The following MATR3 variants were observed in gnomAD, a reference collection of about 807,000 sequenced individuals.
MATR3 encodes the protein matrin 3.
Under a neutral mutation model 85.5 loss-of-function variants are expected in MATR3, and 4 were observed. That is an observed-to-expected ratio of 0.05 (90% CI 0.02 to 0.11). The LOEUF is 0.11. Ranked by LOEUF, MATR3 falls within the 10% of genes least tolerant of loss-of-function variation. The pLI, the probability that MATR3 is intolerant of heterozygous loss-of-function variation, is 1.00. For synonymous variants in MATR3, 336 were observed against 343.1 expected, an observed-to-expected ratio of 0.98 and a Z score of 0.23; for missense variants, 685 against 1,016.1, an observed-to-expected ratio of 0.67 and a Z score of 4.43.
At chr5:139,286,507 C>T (rs1243043539) in intron 3 of MATR3, among the ~76,000 whole-genome samples, 1 of 150,660 alleles carries the variant, frequency 6.6e-6, no homozygotes, top group Admixed American at 6.6e-5. Context: ...TTCTGTAGAC[C>T]TCCTCTGTGG....
rs772678059 is a variant in MATR3 at position 139,330,506 on chromosome 5, T to C, written c.*1111T>C. ...TGTGCATGCTTTAACAATTTATTAC[T>C]TTTAAATCTAGAGTGAATTCTAAAG... On this transcript the variant is annotated 3_prime_UTR_variant, in exon 15 of 15. Transcript: ENST00000394805. 3 of 454,212 alleles carry C rather than the reference T, an allele frequency of 6.6e-6. No individual in the cohort carries two copies. The highest frequency in any genetic ancestry group is 4.7e-5 in the South Asian group (3 of 64,478). 28.1% of individuals were successfully genotyped at this position (454,212 alleles called of 1,614,324 possible).
intron 8 of MATR3, 144 bp from the exon 9 acceptor site, chr5:139,319,190 G>A (rs1755412305): frequency 8.1e-7 from 1 of 1,240,934 alleles, no homozygotes. Flanking sequence ...ATTATGTGAG[G>A]CCCAGGAGTT....
At chr5:139,322,075 T>A in intron 10 of MATR3, 46 bp downstream of exon 10, 2 of 1,590,652 alleles carry the variant, frequency 1.3e-6, no homozygotes, top group Non-Finnish European at 1.7e-6. Flanking sequence ...TGTTTTTACA[T>A]ATTTAAAGCC....
At chr5:139,294,086 AT>A (rs1484589704) in intron 1 of MATR3, 5 of 1,255,278 alleles carry the variant, frequency 4.0e-6, no homozygotes, top group African/African-American at 1.6e-5. Context: ...GCGGCGGGAG[AT>A]TTTGGGTGAA....
intron 3 of MATR3, among the ~76,000 whole-genome samples, chr5:139,286,953 A>T (rs1216441978): frequency 6.6e-6 from 1 of 152,148 alleles, no homozygotes; most frequent in African/African-American, 2.4e-5. Flanking sequence ...GAGAGCAGAG[A>T]CCTTTTATTT....
chr5:139,278,720 T>G (rs1753395058), intron 2 of MATR3: 1 of 479,024 alleles, frequency 2.1e-6, no homozygotes, highest in Non-Finnish European at 4.3e-6. Flanking sequence ...AACTGATACG[T>G]CTTCTACCTG....
chr5:139,318,254 C>T (rs1409006991), intron 7 of MATR3, among the ~76,000 whole-genome samples: 2 of 152,076 alleles, frequency 1.3e-5, no homozygotes, highest in African/African-American at 4.8e-5. Flanking sequence ...CTACCTCAGC[C>T]TCCCAAGTAG....
chr5:139,303,354 C>T (rs942601470), intron 1 of MATR3, among the ~76,000 whole-genome samples: 1 of 150,336 alleles, frequency 6.7e-6, no homozygotes, highest in Non-Finnish European at 1.5e-5. Flanking sequence ...CCCACCTCGG[C>T]TTCCCAAAGT....
rs1009030997 is a variant in MATR3 at position 139,275,265 on chromosome 5, G to A, written c.-286-856G>A. Among the ~76,000 whole-genome samples the A allele has an allele frequency of 1.5e-3, 227 of 149,146 alleles. 6 individuals are homozygous for A. Among genetic ancestry groups the A allele is most frequent in the Admixed American group, 1.4e-3 (21 of 14,560 alleles). On this transcript the variant is annotated intron_variant, in intron 1 of 16. Coordinates refer to ENST00000509990, the Ensembl canonical transcript of MATR3. The stretch of plus-strand genomic sequence containing the variant: ...GCCAGCCTCAGCCTCCCAAAGTGCT[G>A]GGATTACAGGCGTGAGCCACCGCGC...
At chr5:139,322,136 A>G in intron 10 of MATR3, 107 bp downstream of exon 10, 1 of 1,311,654 alleles carries the variant, frequency 7.6e-7, no homozygotes, top group African/African-American at 1.5e-5. Context: ...GATTATTGAA[A>G]CCTATTGAAA....
intron 14 of MATR3, among the ~76,000 whole-genome samples, chr5:139,328,601 AATTGAGTGCAGG>A (rs1181482533): frequency 6.6e-6 from 1 of 152,184 alleles, no homozygotes; most frequent in African/African-American, 2.4e-5. Context: ...TTTAGTTTAT[AATTGAGTGCAGG>A]ATTGAGTAGT....
intron 12 of MATR3, among the ~76,000 whole-genome samples, chr5:139,323,865 T>A (rs1235807168): frequency 1.3e-5 from 2 of 151,958 alleles, no homozygotes; most frequent in East Asian, 1.9e-4. Context: ...TACTCCAGCC[T>A]GGGTGACAAG....
chr5:139,314,560 G>A, intron 2 of MATR3, 115 bp from the exon 3 acceptor site: 1 of 780,422 alleles, frequency 1.3e-6, no homozygotes, highest in Non-Finnish European at 2.2e-6. Context: ...TGAATGGGCA[G>A]GTGTTTGTAC....
rs918910050 is a variant in MATR3, at chr5:139,319,611, G to T, written c.1602+110G>T. 9.4e-5 allele frequency: 89 copies of T among 944,226 alleles called. No homozygotes were observed. In the African/African-American group the frequency reaches 1.4e-3, roughly 15 times the overall value. 58.5% of individuals were successfully genotyped at this position (944,226 alleles called of 1,614,324 possible). A position where few individuals can be genotyped will look rare whatever the true frequency, so the allele number is the denominator to read the frequency against. The stretch of plus-strand genomic sequence containing the variant: ...ACCTGTAATCCCAGCAGTTTGGGAG[G>T]CCAAGGCAGGCAAATCACCTGAGGT... On this transcript the variant is annotated intron_variant, in intron 9 of 14. Transcript: ENST00000394805.
upstream of MATR3, chr5:139,293,576 G>T (rs939565702): frequency 1.7e-5 from 3 of 173,206 alleles, no homozygotes; most frequent in Non-Finnish European, 3.6e-5. Flanking sequence ...ACGACCGCAG[G>T]CGAGTGCACG....
At chr5:139,306,475 C>A (rs970852585) in intron 1 of MATR3, among the ~76,000 whole-genome samples, 1 of 151,990 alleles carries the variant, frequency 6.6e-6, no homozygotes, top group African/African-American at 2.4e-5. Context: ...ATTTCCTGTA[C>A]CTAGGTTTTT....
chr5:139,316,599 G>T (rs1755257746), intron 5 of MATR3, among the ~76,000 whole-genome samples: 1 of 152,048 alleles, frequency 6.6e-6, no homozygotes, highest in Non-Finnish European at 1.5e-5. Context: ...TCAGGCTAGA[G>T]TGTAACGGTG....
At chr5:139,280,621 T>C (rs1753480669) in intron 3 of MATR3, 1 of 152,240 alleles carries the variant, frequency 6.6e-6, no homozygotes, top group Non-Finnish European at 1.5e-5. Context: ...TAAGAAAGAA[T>C]AGCAGTCTGC....
chr5:139,319,827 G>C (rs1210799107), intron 9 of MATR3, among the ~76,000 whole-genome samples: 1 of 136,866 alleles, frequency 7.3e-6, no homozygotes, highest in South Asian at 2.5e-4. Context: ...CTGGGCAGCA[G>C]AGCGAGACTC....
Sources: gnomAD v4.1 joint callset for allele counts (sites outside exome capture counted in the v4.1 genomes callset) on GRCh38, gnomAD v4.1.1 for gene constraint, MANE v1.5 for transcripts, NCBI Gene and HGNC (gene_info 2026-07-23, HGNC 2026-07-21) for gene names.